Variants in TSPEAR observed in about 807,000 individuals in gnomAD.
TSPEAR encodes the protein thrombospondin type laminin G domain and EAR repeats.
A neutral mutation model predicts 71.6 loss-of-function variants in TSPEAR; 69 were observed. The observed-to-expected ratio is 0.96, with a 90% CI of 0.79 to 1.18. The LOEUF is 1.18. Among genes scored for constraint, TSPEAR ranks in the 50% most tolerant of loss-of-function variants. The pLI is 0.00. For synonymous variants in TSPEAR, 402 were observed against 387.2 expected, an observed-to-expected ratio of 1.04 and a Z score of -0.45; for missense variants, 971 against 894.9, an observed-to-expected ratio of 1.09 and a Z score of -1.09.
intron 1 of TSPEAR, chr21:44,702,800 G>C (rs1987721434): frequency 8.1e-7 from 1 of 1,230,812 alleles, no homozygotes; most frequent in Admixed American, 1.8e-5. Context: ...CCCAGCTACT[G>C]ACGGGCACGT....
At chr21:44,671,364 A>G (rs926095308) in intron 1 of TSPEAR, among the ~76,000 whole-genome samples, 2 of 152,216 alleles carry the variant, frequency 1.3e-5, no homozygotes, top group Non-Finnish European at 2.9e-5. Context: ...CTGCTAGCAC[A>G]TAAGCAAGCT....
intron 2 of TSPEAR, among the ~76,000 whole-genome samples, chr21:44,560,915 T>A (rs1395088656): frequency 6.6e-6 from 1 of 151,874 alleles, no homozygotes; most frequent in Non-Finnish European, 1.5e-5. Flanking sequence ...ACATCACAAT[T>A]AAAAGAACTA....
At chr21:44,580,065 A>G in intron 1 of TSPEAR, 1 of 1,594,750 alleles carries the variant, frequency 6.3e-7, no homozygotes, top group Non-Finnish European at 8.6e-7. Context: ...GGCACGTAGC[A>G]GGACTGCTGG....
intron 2 of TSPEAR, chr21:44,550,954 G>A (rs1555918643): frequency 2.5e-6 from 4 of 1,612,144 alleles, no homozygotes; most frequent in Non-Finnish European, 1.7e-6. Flanking sequence ...CAAGCCGGCT[G>A]GCAGCTAGAC....
At chr21:44,638,489 C>A in intron 1 of TSPEAR, 1 of 365,776 alleles carries the variant, frequency 2.7e-6, no homozygotes, top group South Asian at 3.5e-5. Context: ...CGGGGGGGCA[C>A]AGGGTGAGGT....
intron 11 of TSPEAR, among the ~76,000 whole-genome samples, chr21:44,504,015 T>TCATTACCTGTAAATAATACTGTTCACC (rs2052121771): frequency 7.0e-6 from 1 of 142,004 alleles, no homozygotes; most frequent in Non-Finnish European, 1.5e-5. Context: ...CCGGCCTCGG[T>TCATTACCTGTAAATAATACTGTTCACC]GAGCCCTCAG....
rs113290288 is a variant in TSPEAR, at chr21:44,690,498, A to C, written c.82+20935T>G. The C allele has an allele frequency of 4.7e-3, 4,551 of 958,680 alleles. 182 individuals are homozygous for C. The African/African-American group carries it at 0.073, about 15-fold the overall frequency. 59.4% of individuals were successfully genotyped at this position (958,680 alleles called of 1,614,324 possible). On this transcript the variant is annotated intron_variant, in intron 1 of 11. Coordinates refer to ENST00000323084, the MANE Select transcript of TSPEAR (RefSeq NM_144991.3). ...GTCACCCACAAGCAATAAAAATCAG[A>C]TTAGCATCAGACATCTCATCAGCAG... is the stretch of plus-strand genomic sequence containing the variant.
At chr21:44,690,695 GT>G (rs1313769723) in intron 1 of TSPEAR, 1 of 662,508 alleles carries the variant, frequency 1.5e-6, no homozygotes. Flanking sequence ...AAACTATTAA[GT>G]AAGCATATGT....
rs111585413 is a variant in TSPEAR, at chr21:44,506,469, C to T, written c.1755-1588G>A. ...GCTTCCCTGCAGGCAGTTGTGGGGC[C>T]GGCCTGCAGCAGGGGCTCAGACAGG... is the stretch of plus-strand genomic sequence containing the variant. On this transcript the variant is annotated intron_variant, in intron 10 of 11. Transcript: ENST00000323084. This position sits in a 1 kb window ranked among gnomAD's most constrained non-coding sequence, Gnocchi z 4.2. Among the ~76,000 whole-genome samples, 415 of 152,348 alleles carry T rather than the reference C, an allele frequency of 2.7e-3. 3 individuals are homozygous for T. Among genetic ancestry groups the T allele is most frequent in the African/African-American group, 8.3e-3 (346 of 41,588 alleles).
chr21:44,524,942 G>A (rs2052819842), intron 8 of TSPEAR, among the ~76,000 whole-genome samples: 1 of 151,840 alleles, frequency 6.6e-6, no homozygotes, highest in Non-Finnish European at 1.5e-5. Context: ...CAGGTAGTCA[G>A]TCAGTCAGTC....
At chr21:44,683,949 C>A (rs1033128123) in intron 1 of TSPEAR, among the ~76,000 whole-genome samples, 9 of 152,102 alleles carry the variant, frequency 5.9e-5, no homozygotes, top group African/African-American at 2.2e-4. Flanking sequence ...TTTAAATACA[C>A]CAAATTTGAC....
At chr21:44,643,419 C>T (rs1295816688) in intron 1 of TSPEAR, among the ~76,000 whole-genome samples, 1 of 152,090 alleles carries the variant, frequency 6.6e-6, no homozygotes, top group Non-Finnish European at 1.5e-5. Flanking sequence ...TGTCTCATCA[C>T]AAAATAAAGG....
At position 44,635,099 on chromosome 21, in the gene TSPEAR, C is replaced by T. The variant is rs373029909; in HGVS notation, c.83-67094G>A. Reference sequence around the variant, plus strand: ...GTGGCTCATGCCTGTAATCCCAGCACTTTGGGAGGCCGAGGCGGGAGGATC... The same window carrying T: ...GTGGCTCATGCCTGTAATCCCAGCATTTTGGGAGGCCGAGGCGGGAGGATC... On this transcript the variant is annotated intron_variant, in intron 1 of 11. Coordinates refer to ENST00000323084, the MANE Select transcript of TSPEAR (RefSeq NM_144991.3). Among the ~76,000 whole-genome samples the T allele has an allele frequency of 1.4e-4, 22 of 152,202 alleles. 1 individual carries two copies. In the South Asian group the frequency reaches 4.4e-3, roughly 30 times the overall value.
chr21:44,580,414 G>T, intron 1 of TSPEAR: 6 of 1,613,000 alleles, frequency 3.7e-6, no homozygotes, highest in Non-Finnish European at 5.1e-6. Flanking sequence ...TGGGCTCACA[G>T]GCCGCCTGGC....
intron 1 of TSPEAR, chr21:44,637,451 G>A (rs1555936998): frequency 5.6e-6 from 9 of 1,612,044 alleles, no homozygotes; most frequent in Admixed American, 3.3e-5. Flanking sequence ...CTGCTCCAGC[G>A]CCTGCACTGA....
intron 1 of TSPEAR, among the ~76,000 whole-genome samples, chr21:44,699,077 G>A (rs1555951178): frequency 2.6e-5 from 4 of 152,070 alleles, no homozygotes; most frequent in African/African-American, 9.7e-5. Context: ...ACGCGCCTGT[G>A]GTACCACCTA....
intron 1 of TSPEAR, among the ~76,000 whole-genome samples, chr21:44,648,357 C>A (rs144215443): frequency 1.3e-3 from 200 of 152,236 alleles, no homozygotes; most frequent in African/African-American, 4.5e-3. Flanking sequence ...AGGGAAGAAG[C>A]AACAGAACAA....
At position 44,646,730 on chromosome 21, in the gene TSPEAR, C is replaced by A. The variant is rs781880478; in HGVS notation, c.82+64703G>T. ...TCTAGCTGCCAGCCGGCTTGCTGCA[C>A]CTCCTCCCCCTGCCAGCAGGCCTGC... On this transcript the variant is annotated intron_variant, in intron 1 of 11. Transcript: ENST00000323084. The A allele has an allele frequency of 1.1e-5, 18 of 1,613,948 alleles. No homozygotes were observed. The highest frequency in any genetic ancestry group is 1.4e-5 in the Non-Finnish European group (16 of 1,179,976).
At chr21:44,631,282 T>C (rs1297070526) in intron 1 of TSPEAR, among the ~76,000 whole-genome samples, 7 of 152,166 alleles carry the variant, frequency 4.6e-5, no homozygotes, top group African/African-American at 1.7e-4. Flanking sequence ...AGGAATCAAA[T>C]AGAAATTCTG....
Sources: gnomAD v4.1 joint callset for allele counts (sites outside exome capture counted in the v4.1 genomes callset) on GRCh38, gnomAD v4.1.1 for gene constraint, Gnocchi (gnomAD v3.1) non-coding constraint, MANE v1.5 for transcripts, NCBI Gene and HGNC (gene_info 2026-07-23, HGNC 2026-07-21) for gene names.